SENP6: variants seen among roughly 807,000 people sequenced by gnomAD.
SENP6 encodes the protein SUMO specific peptidase 6.
SENP6 carries 41 observed loss-of-function variants against 134.5 expected under a neutral mutation model. The ratio of observed to expected loss-of-function variants is 0.30; its 90% CI spans 0.24 to 0.40. The LOEUF (loss-of-function observed/expected upper bound fraction) is 0.40. Among genes scored for constraint, SENP6 ranks in the 10% least tolerant of loss-of-function variants. The pLI, the probability that SENP6 is intolerant of heterozygous loss-of-function variation, is 1.00. For missense variants in SENP6, 1,248 were observed against 1,312.5 expected (o/e 0.95, Z 0.76); for synonymous variants, 395 against 429.8 (o/e 0.92, Z 1.00).
chr6:75,665,246 A>G (rs562832264), intron 9 of SENP6, among the ~76,000 whole-genome samples: 23 of 151,958 alleles, frequency 1.5e-4, no homozygotes, highest in Non-Finnish European at 2.6e-4. Context: ...AGATCGCGCC[A>G]CTGCGCTCCA....
chr6:75,653,280 C>T (rs1771056179), intron 7 of SENP6, among the ~76,000 whole-genome samples: 1 of 152,198 alleles, frequency 6.6e-6, no homozygotes, highest in Non-Finnish European at 1.5e-5. Flanking sequence ...ATCCCCCCGC[C>T]TCGGCCTCCC....
intron 23 of SENP6, among the ~76,000 whole-genome samples, chr6:75,714,338 A>C (rs1214303380): frequency 1.3e-5 from 2 of 151,884 alleles, no homozygotes; most frequent in East Asian, 3.9e-4. Flanking sequence ...ACCACACATA[A>C]CCTCTCTTGG....
chr6:75,640,505 G>C (rs1190618744), intron 5 of SENP6, among the ~76,000 whole-genome samples, 179 bp from the exon 6 acceptor site: 1 of 151,738 alleles, frequency 6.6e-6, no homozygotes, highest in Non-Finnish European at 1.5e-5. Flanking sequence ...TATATTGACA[G>C]AAATCGAAAA....
chr6:75,631,208 C>G (rs1769090099), intron 3 of SENP6, among the ~76,000 whole-genome samples: 1 of 152,090 alleles, frequency 6.6e-6, no homozygotes, highest in South Asian at 2.1e-4. Context: ...ATTAGGTTCT[C>G]TTATTATCTG....
At chr6:75,624,947 C>T (rs1469674903) in intron 3 of SENP6, among the ~76,000 whole-genome samples, 2 of 152,004 alleles carry the variant, frequency 1.3e-5, no homozygotes, top group Admixed American at 1.3e-4. Context: ...ACCTGGACAA[C>T]ATAGTGAGAC....
Position 75,695,888 on chromosome 6 carries a change from G to A in SENP6, c.2160G>A (p.Gln720=), listed in dbSNP as rs774406963. ...CTTTTTTCTATAAACGCCTTAATCAGAGAGAGAGGAGAAATCATGAAACAA... is the reference window on the plus strand; with the variant it reads ...CTTTTTTCTATAAACGCCTTAATCAAAGAGAGAGGAGAAATCATGAAACAA... ...FSSFFYKRLN[Q]RERRNHETTN... Residue 720 remains glutamine, a synonymous_variant, in exon 17 of 24, where the codon CAG becomes CAA. Transcript: ENST00000447266. The A allele has an allele frequency of 1.1e-5, 18 of 1,601,200 alleles. No individual in the cohort carries two copies. The highest frequency in any genetic ancestry group is 1.7e-4 in the Middle Eastern group (1 of 6,010).
intron 11 of SENP6, among the ~76,000 whole-genome samples, chr6:75,674,597 A>C (rs964601579): frequency 1.3e-5 from 2 of 152,174 alleles, no homozygotes; most frequent in African/African-American, 4.8e-5. Context: ...GTTAAAAGCC[A>C]CCGTTCCCTG....
At chr6:75,618,801 A>AG (rs1368684259) in intron 1 of SENP6, among the ~76,000 whole-genome samples, 3 of 152,192 alleles carry the variant, frequency 2.0e-5, no homozygotes, top group African/African-American at 7.2e-5. Context: ...TTTATTTGAC[A>AG]GGGAGAAACC....
chr6:75,659,158 A>T (rs970438243), intron 7 of SENP6, 104 bp from the exon 8 acceptor site: 39 of 797,372 alleles, frequency 4.9e-5, no homozygotes, highest in Admixed American at 1.2e-4. Context: ...AGAGTAATCC[A>T]GGATATAATT....
intron 9 of SENP6, among the ~76,000 whole-genome samples, chr6:75,665,144 G>C (rs963505769): frequency 6.6e-6 from 1 of 152,110 alleles, no homozygotes; most frequent in Non-Finnish European, 1.5e-5. Context: ...AAATTAGCCG[G>C]GCATGGTGGT....
intron 16 of SENP6, among the ~76,000 whole-genome samples, chr6:75,695,327 A>G (rs1774584008): frequency 1.3e-5 from 2 of 152,214 alleles, no homozygotes; most frequent in African/African-American, 4.8e-5. Context: ...TCAAATAGCA[A>G]TTTTCATTGC....
rs1766662717 is a variant in SENP6 at position 75,602,063 on chromosome 6, GCAGAGACCTCGCCGCT to G, written c.-460_-445del. The stretch of plus-strand genomic sequence containing the variant: ...AGGGGCCTGGGGGCGCCTGACGGTC[GCAGAGACCTCGCCGCT>G]CCGGCGCGGCGGGTGCGGCCATTTT... On this transcript the variant is annotated 5_prime_UTR_variant, in exon 1 of 24. Transcript: ENST00000447266. 1 of 157,212 alleles carries G rather than the reference GCAGAGACCTCGCCGCT, an allele frequency of 6.4e-6. No individual in the cohort carries two copies. Among genetic ancestry groups the G allele is most frequent in the South Asian group, 1.9e-4 (1 of 5,326 alleles). The allele number at this position is 157,212 out of a possible 1,614,324, so 9.7% of individuals were successfully genotyped here.
At chr6:75,701,497 T>TATA (rs1775022817) in intron 18 of SENP6, among the ~76,000 whole-genome samples, 1 of 152,204 alleles carries the variant, frequency 6.6e-6, no homozygotes, top group African/African-American at 2.4e-5. Context: ...ACATTACTTA[T>TATA]ATACATATTT....
chr6:75,636,657 A>T (rs1461855606), intron 5 of SENP6, among the ~76,000 whole-genome samples: 1 of 152,172 alleles, frequency 6.6e-6, no homozygotes, highest in Non-Finnish European at 1.5e-5. Context: ...CAGAGAAGGG[A>T]ACAAGAATTT....
At chr6:75,670,499 C>A in intron 10 of SENP6, 54 bp from the exon 11 acceptor site, 1 of 1,342,656 alleles carries the variant, frequency 7.4e-7, no homozygotes, top group Non-Finnish European at 1.0e-6. Context: ...TTATACTTAG[C>A]TTGCAGCCTT....
rs1165409428 is a variant in SENP6 at position 75,697,418 on chromosome 6, C to T, written c.2196-7C>T. The T allele has an allele frequency of 2.5e-6, 4 of 1,593,316 alleles. No homozygotes were observed. The highest frequency in any genetic ancestry group is 3.4e-6 in the Non-Finnish European group (4 of 1,165,558). On this transcript the variant is annotated splice_polypyrimidine_tract_variant and splice_region_variant and intron_variant, in intron 17 of 23. Transcript: ENST00000447266. ...TCAGAAGCTTATAATTTATCTCTTT[C>T]TTACAGAATACAGCAAAAACGGCAT...
intron 16 of SENP6, among the ~76,000 whole-genome samples, chr6:75,688,124 G>A (rs1773977792): frequency 6.6e-6 from 1 of 152,202 alleles, no homozygotes; most frequent in Non-Finnish European, 1.5e-5. Context: ...CCCCCAGTCA[G>A]GCTCCTGTCT....
chr6:75,640,657 T>C (rs369559897), intron 5 of SENP6, 27 bp from the exon 6 acceptor site: 2 of 1,501,136 alleles, frequency 1.3e-6, no homozygotes, highest in East Asian at 2.4e-5. Flanking sequence ...TTGCCTCTTA[T>C]ATTTTTTTTC....
intron 5 of SENP6, among the ~76,000 whole-genome samples, chr6:75,636,621 A>G (rs948724339): frequency 6.6e-6 from 1 of 152,198 alleles, no homozygotes; most frequent in African/African-American, 2.4e-5. Context: ...CAGTAGAGCT[A>G]TACAAAATAC....
Sources: gnomAD v4.1 joint callset for allele counts (sites outside exome capture counted in the v4.1 genomes callset) on GRCh38, gnomAD v4.1.1 for gene constraint, MANE v1.5 for transcripts, NCBI Gene and HGNC (gene_info 2026-07-23, HGNC 2026-07-21) for gene names.